The following MAP4K4 variants were observed in gnomAD, a reference collection of about 807,000 sequenced individuals.
MAP4K4 encodes mitogen-activated protein kinase kinase kinase kinase 4.
Under a neutral mutation model 189.6 loss-of-function variants are expected in MAP4K4, and 38 were observed. The observed-to-expected ratio is 0.20, with a 90% confidence interval of 0.15 to 0.26. The LOEUF (loss-of-function observed/expected upper bound fraction) is 0.26, where lower values mean the gene tolerates loss of function less well. Among genes scored for constraint, MAP4K4 ranks in the 10% least tolerant of loss-of-function variants. The pLI is 1.00. For synonymous variants in MAP4K4, 610 were observed against 624.3 expected (o/e 0.98, Z 0.34); for missense variants, 1,054 against 1,726.9 (o/e 0.61, Z 6.91).
chr2:101,781,828 C>T (rs905638769), intron 2 of MAP4K4, among the ~76,000 whole-genome samples: 2 of 152,194 alleles, frequency 1.3e-5, no homozygotes, highest in African/African-American at 4.8e-5. Flanking sequence ...CTCCACTTCT[C>T]TAACATAGAG....
At chr2:101,757,396 T>C (rs971506114) in intron 2 of MAP4K4, among the ~76,000 whole-genome samples, 1 of 152,226 alleles carries the variant, frequency 6.6e-6, no homozygotes, top group East Asian at 1.9e-4. Flanking sequence ...TGGTAAATAC[T>C]ATAAGTGAAT....
intron 2 of MAP4K4, among the ~76,000 whole-genome samples, chr2:101,709,011 C>T (rs2043957371): frequency 6.6e-6 from 1 of 152,072 alleles, no homozygotes; most frequent in African/African-American, 2.4e-5. Flanking sequence ...TGGAACTGCA[C>T]CTTAAGTCAT....
intron 2 of MAP4K4, among the ~76,000 whole-genome samples, chr2:101,723,514 C>T (rs1265846546): frequency 6.6e-6 from 1 of 152,130 alleles, no homozygotes; most frequent in Non-Finnish European, 1.5e-5. Context: ...TGTTTGTCTT[C>T]TGTTGGGTTT....
At chr2:101,818,295 T>C (rs1200912625) in intron 3 of MAP4K4, among the ~76,000 whole-genome samples, 2 of 152,224 alleles carry the variant, frequency 1.3e-5, no homozygotes, top group African/African-American at 4.8e-5. Flanking sequence ...GCCGAAGTCT[T>C]CCAGAGATAT....
At chr2:101,805,614 G>A (rs755739587) in intron 3 of MAP4K4, among the ~76,000 whole-genome samples, 44 of 152,208 alleles carry the variant, frequency 2.9e-4, no homozygotes, top group Non-Finnish European at 5.4e-4. Flanking sequence ...GAGATGCTGA[G>A]GTGCAGGTTA....
chr2:101,738,477 T>G (rs2061360133), intron 2 of MAP4K4, among the ~76,000 whole-genome samples: 1 of 152,126 alleles, frequency 6.6e-6, no homozygotes, highest in Non-Finnish European at 1.5e-5. Flanking sequence ...GCAGTTGAAG[T>G]CAGTTTGGGT....
intron 2 of MAP4K4, among the ~76,000 whole-genome samples, chr2:101,744,740 C>T (rs1379047136): frequency 6.6e-6 from 1 of 152,148 alleles, no homozygotes; most frequent in Non-Finnish European, 1.5e-5. Flanking sequence ...TTCTGGCCAA[C>T]TGTTCTTTGC....
intron 7 of MAP4K4, among the ~76,000 whole-genome samples, chr2:101,833,304 TC>T (rs2096642117): frequency 6.6e-6 from 1 of 152,190 alleles, no homozygotes; most frequent in African/African-American, 2.4e-5. Flanking sequence ...TTTTCAAAAA[TC>T]CTTTTTTTTG....
At chr2:101,803,259 GTGTGTATGTA>G (rs1185365539) in intron 3 of MAP4K4, among the ~76,000 whole-genome samples, 10 of 148,666 alleles carry the variant, frequency 6.7e-5, no homozygotes, top group African/African-American at 2.4e-4. Flanking sequence ...GTGTGTGTGT[GTGTGTATGTA>G]TGTGTGTGTG....
intron 2 of MAP4K4, among the ~76,000 whole-genome samples, chr2:101,748,494 TACA>T: frequency 6.6e-6 from 1 of 152,286 alleles, no homozygotes; most frequent in African/African-American, 2.4e-5. Context: ...GAATTTGGAA[TACA>T]ACAAGACTGC....
chr2:101,779,845 T>C (rs572287745), intron 2 of MAP4K4, among the ~76,000 whole-genome samples: 25 of 151,620 alleles, frequency 1.6e-4, no homozygotes, highest in Non-Finnish European at 2.9e-4. Context: ...AATACAGTTA[T>C]GCGTAGTGAG....
rs547317628 is a variant in MAP4K4, at chr2:101,765,747, G to A, written c.124-24973G>A. On this transcript the variant is annotated intron_variant, in intron 2 of 32. Transcript: ENST00000324219. ...AACAAGTGTTGAATCTAGGTATTAAGTAATCAGATATTCATTATATTTGGG... is the reference window on the plus strand; with the variant it reads ...AACAAGTGTTGAATCTAGGTATTAAATAATCAGATATTCATTATATTTGGG... Among the ~76,000 whole-genome samples the A allele has an allele frequency of 3.3e-5, 5 of 152,246 alleles. No individual in the cohort carries two copies. The South Asian group carries it at 1.0e-3, about 32-fold the overall frequency.
intron 2 of MAP4K4, among the ~76,000 whole-genome samples, chr2:101,708,571 T>C (rs981423691): frequency 1.3e-5 from 2 of 152,154 alleles, no homozygotes; most frequent in Non-Finnish European, 2.9e-5. Flanking sequence ...CTTTGAGAGA[T>C]AGAGGAGTTT....
At chr2:101,847,876 C>T (rs1387713561) in intron 12 of MAP4K4, among the ~76,000 whole-genome samples, 2 of 152,170 alleles carry the variant, frequency 1.3e-5, no homozygotes, top group Non-Finnish European at 2.9e-5. Context: ...AACCTCCAGC[C>T]CCTCAAGCTC....
intron 2 of MAP4K4, among the ~76,000 whole-genome samples, chr2:101,727,854 A>G (rs1240980788): frequency 6.6e-6 from 1 of 152,176 alleles, no homozygotes; most frequent in African/African-American, 2.4e-5. Context: ...TTATAGTTCC[A>G]GCTACTCGGG....
intron 12 of MAP4K4, among the ~76,000 whole-genome samples, chr2:101,855,208 A>G (rs1355206316): frequency 6.6e-6 from 1 of 152,142 alleles, no homozygotes. Context: ...ACACCTGTTG[A>G]TGGGATGCAG....
In MAP4K4 at chr2:101,800,646, C is replaced by T. The variant is rs553403546; in HGVS notation, c.180+9870C>T. Among the ~76,000 whole-genome samples the T allele has an allele frequency of 4.6e-5, 7 of 152,122 alleles. No individual in the cohort carries two copies. In the South Asian group the frequency reaches 1.2e-3, roughly 27 times the overall value. Reference sequence around the variant, plus strand: ...GCTTTGTTCAGATATAATTTTGGTTCGTTGGGACTGGAAATGGCAAATGTA... The same window carrying T: ...GCTTTGTTCAGATATAATTTTGGTTTGTTGGGACTGGAAATGGCAAATGTA... On this transcript the variant is annotated intron_variant, in intron 3 of 32. Transcript: ENST00000324219.
Position 101,744,593 on chromosome 2 carries a change from G to T in MAP4K4, c.123+46055G>T, listed in dbSNP as rs182260423. ...AGCCAGTCTGTGGTCTTCTCCTTGG[G>T]TTGGGGGGTGTGTGAGGAGTGGATG... On this transcript the variant is annotated intron_variant, in intron 2 of 32. Transcript: ENST00000324219. Among the ~76,000 whole-genome samples the T allele has an allele frequency of 2.3e-3, 345 of 152,174 alleles. 2 individuals carry two copies. The highest frequency in any genetic ancestry group is 7.7e-3 in the African/African-American group (321 of 41,500).
At chr2:101,850,412 G>A (rs552662866) in intron 12 of MAP4K4, among the ~76,000 whole-genome samples, 84 of 152,280 alleles carry the variant, frequency 5.5e-4, no homozygotes, top group Non-Finnish European at 1.1e-3. Context: ...TGTGTTTCTT[G>A]GTTCCGAAAT....
Sources: allele counts gnomAD v4.1 joint callset (sites outside exome capture counted in the v4.1 genomes callset), GRCh38; gene constraint gnomAD v4.1.1; transcripts MANE v1.5; gene names NCBI Gene and HGNC (gene_info 2026-07-23, HGNC 2026-07-21).